The following NPY1R variants were observed in gnomAD, a reference collection of about 807,000 sequenced individuals.
The protein encoded by NPY1R is neuropeptide Y receptor type 1.
In NPY1R, 10 loss-of-function variants were observed where a neutral mutation model predicts 24.1. The ratio of observed to expected loss-of-function variants is 0.42; its 90% CI spans 0.26 to 0.71. The LOEUF is 0.71. NPY1R is among the 30% of genes least tolerant of loss of function. The pLI, the probability that NPY1R is intolerant of heterozygous loss-of-function variation, is 0.28. For missense variants in NPY1R, 350 were observed against 458.0 expected, an observed-to-expected ratio of 0.76 and a Z score of 2.15; for synonymous variants, 168 against 165.9, an observed-to-expected ratio of 1.01 and a Z score of -0.10.
upstream of NPY1R, among the ~76,000 whole-genome samples, chr4:163,337,612 C>A (rs1734872293): frequency 1.3e-5 from 2 of 152,198 alleles, no homozygotes; most frequent in African/African-American, 4.8e-5. Context: ...CTCTGCTCCT[C>A]TGAGGTGCTG....
upstream of NPY1R, among the ~76,000 whole-genome samples, chr4:163,337,449 C>T (rs748678997): frequency 6.6e-6 from 1 of 152,146 alleles, no homozygotes; most frequent in Non-Finnish European, 1.5e-5. Context: ...GATAATTAAA[C>T]GCCATAGGGT....
At chr4:163,337,875 C>G (rs1734880898), upstream of NPY1R, among the ~76,000 whole-genome samples, 1 of 152,138 alleles carries the variant, frequency 6.6e-6, no homozygotes, top group South Asian at 2.1e-4. Flanking sequence ...GGTACATATA[C>G]AGTCACCTCA....
chr4:163,333,461 C>T (rs369611145), upstream of NPY1R, among the ~76,000 whole-genome samples: 16 of 152,186 alleles, frequency 1.1e-4, 1 homozygote, highest in African/African-American at 3.9e-4. Context: ...AAGTTGTAAA[C>T]ACACACATAC....
intron 1 of NPY1R, among the ~76,000 whole-genome samples, chr4:163,340,093 T>A (rs928720795): frequency 6.6e-6 from 1 of 152,074 alleles, no homozygotes; most frequent in Non-Finnish European, 1.5e-5. Context: ...CATTTCCACT[T>A]AAATATAGTA....
In NPY1R at chr4:163,342,133, G is replaced by C. The variant is rs550177701; in HGVS notation, c.-152+2172C>G. 2.0e-5 allele frequency among the ~76,000 whole-genome samples: 3 copies of C among 152,200 alleles called. No individual in the cohort carries two copies. The East Asian group carries it at 5.8e-4, about 29-fold the overall frequency. ...AGAATCTTTGTATCAGTGGCAGGTAGCCTTTTATTTTCAATACTCTAATAA... is the reference window on the plus strand; with the variant it reads ...AGAATCTTTGTATCAGTGGCAGGTACCCTTTTATTTTCAATACTCTAATAA... On this transcript the variant is annotated intron_variant, in intron 1 of 1. Transcript: ENST00000511901.
upstream of NPY1R, among the ~76,000 whole-genome samples, chr4:163,336,341 T>A (rs186185718): frequency 5.1e-4 from 77 of 152,362 alleles, no homozygotes; most frequent in African/African-American, 1.9e-3. Context: ...CATAACATTA[T>A]GTTTTTACTA....
At position 163,325,587 on chromosome 4, in the gene NPY1R, G is replaced by C. The variant is rs754889175; in HGVS notation, c.871C>G (p.Gln291Glu). 1 of 1,613,924 alleles carries C rather than the reference G, an allele frequency of 6.2e-7. No individual in the cohort carries two copies. The highest frequency in any genetic ancestry group is 1.1e-5 in the South Asian group (1 of 91,072). Residue 291 changes from glutamine to glutamate, a missense_variant, in exon 3 of 3, where the codon CAG becomes GAG. Transcript: ENST00000296533. The part of the protein sequence containing the change: ...IFNTVFDWNH[Q>E]IIATCNHNLL... ...TTGTGGTTGCAGGTAGCAATGATCT[G>C]ATGATTCCAATCAAACACAGTGTTA...
chr4:163,344,496 G>A (rs1443833723), exon 1 of NPY1R: 2 of 151,806 alleles, frequency 1.3e-5, no homozygotes, highest in African/African-American at 4.8e-5. Context: ...AACCCTAGCG[G>A]GTCTCTGGCG....
At chr4:163,344,436 G>A (rs1404859796) in exon 1 of NPY1R, 2 of 152,206 alleles carry the variant, frequency 1.3e-5, no homozygotes, top group East Asian at 1.9e-4. Context: ...CAGCCCGGCT[G>A]GCATCCGGAG....
chr4:163,341,817 T>A (rs1438701288), intron 1 of NPY1R, among the ~76,000 whole-genome samples: 1 of 152,176 alleles, frequency 6.6e-6, no homozygotes, highest in Non-Finnish European at 1.5e-5. Flanking sequence ...CTCCATAAAA[T>A]AAAAATAAAA....
intron 1 of NPY1R, among the ~76,000 whole-genome samples, chr4:163,338,864 C>T (rs1271189199): frequency 6.6e-6 from 1 of 152,154 alleles, no homozygotes; most frequent in African/African-American, 2.4e-5. Context: ...CATTCTTCTC[C>T]CTCAAGCCAG....
chr4:163,343,574 G>T (rs1489007754), intron 1 of NPY1R, among the ~76,000 whole-genome samples: 1 of 152,118 alleles, frequency 6.6e-6, no homozygotes, highest in East Asian at 1.9e-4. Flanking sequence ...TAGGGGCACA[G>T]CCATCCTCAC....
upstream of NPY1R, among the ~76,000 whole-genome samples, chr4:163,336,087 C>T (rs1203763600): frequency 6.6e-6 from 1 of 152,112 alleles, no homozygotes; most frequent in Non-Finnish European, 1.5e-5. Flanking sequence ...GTGCAGAAAA[C>T]ACACAATACT....
In NPY1R at chr4:163,332,483, C is replaced by T. The variant is rs1174594154; in HGVS notation, c.-153G>A. Reference sequence around the variant, plus strand: ...GAAAGGCATAAACTCGCAACTTACCCTCTTTGGAATTTGTCTTTTTCGCTC... The same window carrying T: ...GAAAGGCATAAACTCGCAACTTACCTTCTTTGGAATTTGTCTTTTTCGCTC... On this transcript the variant is annotated splice_region_variant and 5_prime_UTR_variant, in exon 1 of 3. Coordinates refer to ENST00000296533, the MANE Select transcript of NPY1R (RefSeq NM_000909.6). The T allele has an allele frequency of 6.6e-6, 1 of 152,280 alleles. No individual in the cohort carries two copies. Among genetic ancestry groups the T allele is most frequent in the African/African-American group, 2.4e-5 (1 of 41,442 alleles). The allele number at this position is 152,280 out of a possible 1,614,324, so 9.4% of individuals were successfully genotyped here. A position where few individuals can be genotyped will look rare whatever the true frequency, so the allele number is the denominator to read the frequency against.
intron 1 of NPY1R, among the ~76,000 whole-genome samples, chr4:163,331,528 T>C (rs6836075): frequency 0.88 from 133,985 of 151,648 alleles, 59,398 homozygotes; most frequent in East Asian, 0.99. Context: ...TCTCTCTCTC[T>C]CATCAAAAAA....
Position 163,338,685 on chromosome 4 carries a change from A to T in NPY1R, c.-152+5620T>A, listed in dbSNP as rs554690000. On this transcript the variant is annotated intron_variant, in intron 1 of 1. Transcript: ENST00000511901. ...CCCAAATTACCAGAATCCACCAGAG[A>T]TCCCAATCTTAATCTTCTCCTTTTT... 2.0e-4 allele frequency among the ~76,000 whole-genome samples: 30 copies of T among 152,234 alleles called. 1 individual carries two copies. In the East Asian group the frequency reaches 5.0e-3, roughly 25 times the overall value.
intron 1 of NPY1R, among the ~76,000 whole-genome samples, chr4:163,341,890 TA>T (rs1486613914): frequency 1.3e-5 from 2 of 152,336 alleles, no homozygotes; most frequent in Admixed American, 6.5e-5. Context: ...AATTTAAAGG[TA>T]AAAACACACT....
chr4:163,327,546 A>G lies in NPY1R; in HGVS notation c.-151-841T>C, dbSNP rs1045311448. Among the ~76,000 whole-genome samples, 6 of 152,108 alleles carry G rather than the reference A, an allele frequency of 3.9e-5. No individual in the cohort carries two copies. In the East Asian group the frequency reaches 5.8e-4, roughly 15 times the overall value. Reference sequence around the variant, plus strand: ...AAATTTTATAACCACCATATGAAAAACCATTTCAGAGAGTTTCTATATTGT... The same window carrying G: ...AAATTTTATAACCACCATATGAAAAGCCATTTCAGAGAGTTTCTATATTGT... On this transcript the variant is annotated intron_variant, in intron 1 of 2. Coordinates refer to ENST00000296533, the MANE Select transcript of NPY1R (RefSeq NM_000909.6).
intron 1 of NPY1R, among the ~76,000 whole-genome samples, chr4:163,329,397 T>C (rs1396544571): frequency 6.6e-6 from 1 of 151,942 alleles, no homozygotes; most frequent in African/African-American, 2.4e-5. Context: ...AGTCAAGAGT[T>C]TGAGATCAGC....
Sources: allele counts gnomAD v4.1 joint callset (sites outside exome capture counted in the v4.1 genomes callset), GRCh38; gene constraint gnomAD v4.1.1; transcripts MANE v1.5; gene names NCBI Gene and HGNC (gene_info 2026-07-23, HGNC 2026-07-21).